CHD1L: variants seen among roughly 807,000 people sequenced by gnomAD.
CHD1L encodes the protein chromodomain helicase DNA binding protein 1 like, also known as ATP-dependent chromatin remodeler CHD1L.
In CHD1L, 118 loss-of-function variants were observed where a neutral mutation model predicts 115.9. The observed-to-expected ratio is 1.02, with a 90% confidence interval of 0.88 to 1.19. The LOEUF (loss-of-function observed/expected upper bound fraction) is 1.19. CHD1L is among the 50% of genes most tolerant of loss of function. The pLI is 0.00. For missense variants in CHD1L, 1,179 were observed against 1,065.3 expected, an observed-to-expected ratio of 1.11 and a Z score of -1.49; for synonymous variants, 411 against 387.1, an observed-to-expected ratio of 1.06 and a Z score of -0.72.
the CHD1L span, chr1:147,203,418 G>GT: frequency 3.3e-5 from 29 of 889,418 alleles, no homozygotes; most frequent in Non-Finnish European, 5.6e-5. Context: ...GTTTTCCCAG[G>GT]TAAGTATCTA....
In CHD1L at chr1:147,286,454, C is replaced by G. The variant is rs782372564; in HGVS notation, c.2175C>G (p.Thr725=). 2.5e-6 allele frequency: 4 copies of G among 1,614,006 alleles called. No individual in the cohort carries two copies. The highest frequency in any genetic ancestry group is 3.4e-6 in the Non-Finnish European group (4 of 1,180,000). The change falls in exon 18 of 23, where the codon ACC becomes ACG. Residue 725 remains threonine (T), a synonymous_variant. Transcript: ENST00000369258. ...TSLKYVSGDV[T]HPQAGAEDAL... is the part of the protein sequence containing the mutation. ...TCAAGTACGTTAGTGGTGATGTCAC[C>G]CACCCTCAGGCTGGGGCCGAGGATG...
chr1:147,182,410 A>G, the CHD1L span, among the ~76,000 whole-genome samples: 1 of 152,252 alleles, frequency 6.6e-6, no homozygotes, highest in South Asian at 2.1e-4. Context: ...TGGAGCAAAA[A>G]GAGAAGCTGA....
intron 1 of CHD1L, 136 bp downstream of exon 1, chr1:147,242,966 C>G (rs1298809357): frequency 9.1e-7 from 1 of 1,092,922 alleles, no homozygotes; most frequent in Non-Finnish European, 1.2e-6. Context: ...TCGCTCCTGC[C>G]GTGGGCGGAG....
At chr1:147,263,613 T>C (rs1462641590) in intron 6 of CHD1L, among the ~76,000 whole-genome samples, 1 of 152,116 alleles carries the variant, frequency 6.6e-6, no homozygotes, top group Admixed American at 6.5e-5. Context: ...CTTGGTGTTC[T>C]TCTCTGTTGT....
chr1:147,219,641 T>C, the CHD1L span, among the ~76,000 whole-genome samples: 2 of 151,018 alleles, frequency 1.3e-5, no homozygotes, highest in Non-Finnish European at 2.9e-5. Flanking sequence ...AGTACAATAA[T>C]AGAAGAAAGA....
chr1:147,209,920 A>G, the CHD1L span: 1 of 152,240 alleles, frequency 6.6e-6, no homozygotes, highest in Non-Finnish European at 1.5e-5. Context: ...TTTTATTGAT[A>G]TTAAACTTTC....
chr1:147,209,380 G>C, the CHD1L span, among the ~76,000 whole-genome samples: 1 of 144,922 alleles, frequency 6.9e-6, no homozygotes, highest in Non-Finnish European at 1.5e-5. Flanking sequence ...GGAGCTTGCA[G>C]TGAGCCAAGA....
upstream of CHD1L, chr1:147,242,643 G>C (rs587723590): frequency 2.4e-6 from 3 of 1,252,016 alleles, no homozygotes; most frequent in Non-Finnish European, 3.0e-6. Flanking sequence ...GCCCCCGCGC[G>C]TTGGGAAGTT....
At chr1:147,241,899 A>G (rs1664936974), upstream of CHD1L, among the ~76,000 whole-genome samples, 6 of 152,202 alleles carry the variant, frequency 3.9e-5, 1 homozygote, top group South Asian at 1.2e-3. Flanking sequence ...TTCATTTACA[A>G]TGTGGGGACA....
the CHD1L span, among the ~76,000 whole-genome samples, chr1:147,183,038 A>G: frequency 1.3e-5 from 2 of 152,190 alleles, no homozygotes; most frequent in African/African-American, 4.8e-5. Context: ...TCTCTACTAA[A>G]AATACAAAGA....
At chr1:147,268,666 C>T in intron 9 of CHD1L, 116 bp from the exon 10 acceptor site, 1 of 712,756 alleles carries the variant, frequency 1.4e-6, no homozygotes, top group Non-Finnish European at 2.4e-6. Context: ...GGACTGAGAT[C>T]ATCATGCAAA....
chr1:147,266,018 G>A lies in CHD1L; in HGVS notation c.826G>A (p.Val276Ile), dbSNP rs1028414868. 2.5e-6 allele frequency: 4 copies of A among 1,613,830 alleles called. No individual in the cohort carries two copies. The East Asian group carries it at 8.9e-5, about 36-fold the overall frequency. Residue 276 changes from valine (V) to isoleucine (I), a missense_variant, in exon 8 of 23, where the codon GTA (valine) becomes ATA (isoleucine). By Grantham distance (29) the Val-to-Ile change is conservative (BLOSUM62 3). Coordinates refer to ENST00000369258, the MANE Select transcript of CHD1L (RefSeq NM_004284.6). ...VATELPKKTEVVIYHGMSALQ... is the reference protein window; with the variant it reads ...VATELPKKTEIVIYHGMSALQ... Reference sequence around the variant, plus strand: ...TACAGAGCTTCCCAAGAAGACAGAAGTAGTGATATACCATGGCATGTCAGC... The same window carrying A: ...TACAGAGCTTCCCAAGAAGACAGAAATAGTGATATACCATGGCATGTCAGC...
the CHD1L span, chr1:147,179,236 G>C: frequency 5.0e-6 from 8 of 1,613,058 alleles, no homozygotes; most frequent in Non-Finnish European, 6.8e-6. Flanking sequence ...AGAGAGCAAT[G>C]ATGGGCCTGT....
chr1:147,295,016 C>T (rs587638760), intron 22 of CHD1L, among the ~76,000 whole-genome samples: 4 of 152,028 alleles, frequency 2.6e-5, no homozygotes, highest in Admixed American at 6.5e-5. Context: ...GCGTTTTCTT[C>T]TAATGACCTC....
intron 1 of CHD1L, among the ~76,000 whole-genome samples, chr1:147,245,007 G>A (rs114559673): frequency 5.3e-5 from 8 of 152,204 alleles, no homozygotes; most frequent in African/African-American, 1.9e-4. Context: ...TGTTTATTTG[G>A]TTACCAATAT....
intron 12 of CHD1L, 111 bp from the exon 13 acceptor site, chr1:147,275,243 A>G (rs587685304): frequency 6.3e-6 from 5 of 788,032 alleles, no homozygotes; most frequent in South Asian, 6.2e-5. Context: ...GATGAAGCCA[A>G]TTGTTTTGAC....
At chr1:147,252,562 C>A in intron 1 of CHD1L, 61 bp from the exon 2 acceptor site, 3 of 1,285,178 alleles carry the variant, frequency 2.3e-6, no homozygotes, top group Non-Finnish European at 3.4e-6. Flanking sequence ...ACTCTTAGAA[C>A]ATTGCCTCTG....
the CHD1L span, chr1:147,201,324 T>G: frequency 6.2e-7 from 1 of 1,614,060 alleles, no homozygotes; most frequent in Non-Finnish European, 8.5e-7. Flanking sequence ...CTTCCAGAAA[T>G]GGAAAGTCAA....
At chr1:147,281,799 ATAT>A in intron 15 of CHD1L, among the ~76,000 whole-genome samples, 1 of 150,310 alleles carries the variant, frequency 6.7e-6, no homozygotes, top group South Asian at 2.1e-4. Context: ...TTAAAAAAAT[ATAT>A]ATATATTTAT....
Sources: gnomAD v4.1 joint callset for allele counts (sites outside exome capture counted in the v4.1 genomes callset) on GRCh38, gnomAD v4.1.1 for gene constraint, MANE v1.5 for transcripts, NCBI Gene and HGNC (gene_info 2026-07-23, HGNC 2026-07-21) for gene names.